TRIM5: variants seen among roughly 807,000 people sequenced by gnomAD.
The protein encoded by TRIM5 is tripartite motif containing 5, also known as tripartite motif-containing protein 5.
A neutral mutation model predicts 35.6 loss-of-function variants in TRIM5; 31 were observed. The observed-to-expected ratio is 0.87, with a 90% confidence interval of 0.65 to 1.18. The LOEUF (loss-of-function observed/expected upper bound fraction) is 1.18, where lower values mean the gene tolerates loss of function less well. Among genes scored for constraint, TRIM5 ranks in the 50% most tolerant of loss-of-function variants. The probability of loss-of-function intolerance (pLI) is 0.00; values close to 1 mark genes in which losing one functional copy is unlikely to be tolerated. For missense variants in TRIM5, 609 were observed against 591.6 expected, an observed-to-expected ratio of 1.03 and a Z score of -0.31; for synonymous variants, 243 against 215.6, an observed-to-expected ratio of 1.13 and a Z score of -1.11.
chr11:5,616,538 C>T, the TRIM5 span, among the ~76,000 whole-genome samples: 7 of 145,154 alleles, frequency 4.8e-5, no homozygotes, highest in African/African-American at 1.8e-4. Flanking sequence ...TTTGTGCATA[C>T]AGTCTAGCCC....
chr11:5,634,955 T>G, the TRIM5 span: 1 of 1,411,108 alleles, frequency 7.1e-7, no homozygotes, highest in South Asian at 1.4e-5. Flanking sequence ...GGGGTTTCTT[T>G]GGCCTTGCAG....
the TRIM5 span, chr11:5,611,061 C>T: frequency 4.3e-6 from 7 of 1,614,072 alleles, no homozygotes; most frequent in East Asian, 4.5e-5. Context: ...CTCCAGGTAT[C>T]AGCCTCAGAG....
chr11:5,661,835 T>C (rs1056754864), downstream of TRIM5, among the ~76,000 whole-genome samples: 2 of 152,204 alleles, frequency 1.3e-5, no homozygotes, highest in African/African-American at 4.8e-5. Flanking sequence ...GAGCATCTGT[T>C]TGAAAAAATC....
the TRIM5 span, among the ~76,000 whole-genome samples, chr11:5,635,287 G>A: frequency 1.5e-5 from 2 of 137,836 alleles, no homozygotes; most frequent in East Asian, 2.1e-4. Flanking sequence ...ACGGAGTCTC[G>A]CTCTGTCTCC....
At chr11:5,610,224 A>T in the TRIM5 span, 32 of 1,613,994 alleles carry the variant, frequency 2.0e-5, no homozygotes, top group Admixed American at 1.0e-4. Flanking sequence ...AGATCTGAAA[A>T]GGATGCTGCG....
chr11:5,665,716 A>C (rs199648928), intron 6 of TRIM5, 34 bp from the exon 7 acceptor site: 1 of 1,484,076 alleles, frequency 6.7e-7, no homozygotes, highest in Non-Finnish European at 8.9e-7. Context: ...ATTGAATACA[A>C]ACAAAGGAGT....
Position 5,664,654 on chromosome 11 carries a change from A to G in TRIM5, c.*155T>C, listed in dbSNP as rs912924249. The stretch of plus-strand genomic sequence containing the variant: ...TATTGGGGACAATATGGCACAAGGC[A>G]ATTATTACATTTTACTGATGAGTGA... On this transcript the variant is annotated 3_prime_UTR_variant, in exon 8 of 8. Transcript: ENST00000380034. The G allele has an allele frequency of 1.4e-6, 2 of 1,393,702 alleles. No individual in the cohort carries two copies. Among genetic ancestry groups the G allele is most frequent in the East Asian group, 5.1e-5 (2 of 39,112 alleles). 86.3% of individuals were successfully genotyped at this position (1,393,702 alleles called of 1,614,324 possible).
rs1373082146 is a variant in TRIM5, at chr11:5,663,767, T to C, written c.*1042A>G. ...ACCTCAAATATGTGTCATTTCTTTG[T>C]GTTGAGAACTTTCAAAATCCTCTCT... On this transcript the variant is annotated 3_prime_UTR_variant, in exon 8 of 8. Coordinates refer to ENST00000380034, the MANE Select transcript of TRIM5 (RefSeq NM_033034.3). 1 of 193,958 alleles carries C rather than the reference T, an allele frequency of 5.2e-6. No individual in the cohort carries two copies. Among genetic ancestry groups the C allele is most frequent in the East Asian group, 1.9e-4 (1 of 5,374 alleles). The allele number at this position is 193,958 out of a possible 1,614,324, so 12.0% of individuals were successfully genotyped here. A position where few individuals can be genotyped will look rare whatever the true frequency, so the allele number is the denominator to read the frequency against.
chr11:5,595,293 T>C, the TRIM5 span: 1 of 152,226 alleles, frequency 6.6e-6, no homozygotes. Flanking sequence ...TTCTGTGCTA[T>C]TGAAACCCTG....
the TRIM5 span, among the ~76,000 whole-genome samples, chr11:5,616,172 C>T: frequency 2.9e-5 from 4 of 138,990 alleles, no homozygotes; most frequent in African/African-American, 5.4e-5. Flanking sequence ...AGGATGGTCT[C>T]GATCTCCTGA....
chr11:5,663,175 T>C (rs2134007083), downstream of TRIM5: 1 of 880,056 alleles, frequency 1.1e-6, no homozygotes, highest in Non-Finnish European at 1.4e-6. Context: ...CCCAACACCA[T>C]AATGGATTAC....
At chr11:5,665,461 C>G in intron 7 of TRIM5, 66 bp from the exon 8 acceptor site, 1 of 1,543,680 alleles carries the variant, frequency 6.5e-7, no homozygotes, top group Admixed American at 2.1e-5. Context: ...TGAGAGAAAT[C>G]TTGATAAAGA....
Position 5,664,465 on chromosome 11 carries a change from GA to G in TRIM5, c.*343del. ...CACACGATGATATAGAAAGGCTGTTGAAAAGCTTTTCTTCATCTTCTTAGTC... is the reference window on the plus strand; with the variant it reads ...CACACGATGATATAGAAAGGCTGTTGAAAGCTTTTCTTCATCTTCTTAGTC... On this transcript the variant is annotated 3_prime_UTR_variant, in exon 8 of 8. Transcript: ENST00000380034. 1 of 1,034,672 alleles carries G rather than the reference GA, an allele frequency of 9.7e-7. No homozygotes were observed. The highest frequency in any genetic ancestry group is 4.0e-5 in the South Asian group (1 of 25,238). The allele number at this position is 1,034,672 out of a possible 1,614,324, so 64.1% of individuals were successfully genotyped here.
chr11:5,618,804 A>C, the TRIM5 span, among the ~76,000 whole-genome samples: 2 of 152,234 alleles, frequency 1.3e-5, no homozygotes, highest in African/African-American at 4.8e-5. Context: ...AGGAAATTCT[A>C]TTTTAAGCTT....
chr11:5,665,955 C>T (rs1851098640), intron 6 of TRIM5, 26 bp downstream of exon 6: 1 of 1,589,952 alleles, frequency 6.3e-7, no homozygotes, highest in African/African-American at 1.4e-5. Flanking sequence ...ATTCCATAAC[C>T]CTGTTGTTGA....
chr11:5,615,655 G>A, the TRIM5 span, among the ~76,000 whole-genome samples: 7 of 151,490 alleles, frequency 4.6e-5, no homozygotes, highest in Non-Finnish European at 8.8e-5. Flanking sequence ...GTGCAGTGGC[G>A]TGATCTTGGC....
the TRIM5 span, chr11:5,605,248 G>A: frequency 1.9e-6 from 3 of 1,577,468 alleles, no homozygotes; most frequent in African/African-American, 2.7e-5. Context: ...GCCCAGGAAA[G>A]CAGTCCTGAG....
At chr11:5,645,218 C>T in the TRIM5 span, among the ~76,000 whole-genome samples, 1 of 151,854 alleles carries the variant, frequency 6.6e-6, no homozygotes, top group African/African-American at 2.4e-5. Flanking sequence ...ATTGCAAAAC[C>T]CTGTCTCTAC....
At chr11:5,634,530 C>CACACACACAT in the TRIM5 span, 11 of 261,888 alleles carry the variant, frequency 4.2e-5, no homozygotes, top group Admixed American at 3.1e-4. Flanking sequence ...CACACACACA[C>CACACACACAT]ATATATATAT....
Sources: gnomAD v4.1 joint callset for allele counts (sites outside exome capture counted in the v4.1 genomes callset) on GRCh38, gnomAD v4.1.1 for gene constraint, MANE v1.5 for transcripts, NCBI Gene and HGNC (gene_info 2026-07-23, HGNC 2026-07-21) for gene names.